CDIP1: variants seen among roughly 807,000 people sequenced by gnomAD.
CDIP1 encodes cell death-inducing p53-target protein 1.
In CDIP1, 9 loss-of-function variants were observed where a neutral mutation model predicts 17.7. That is an observed-to-expected ratio of 0.51 (90% CI 0.31 to 0.89). The LOEUF (loss-of-function observed/expected upper bound fraction) is 0.89, where lower values mean the gene tolerates loss of function less well. Among genes scored for constraint, CDIP1 ranks in the 40% least tolerant of loss-of-function variants. The pLI is 0.05. For missense variants in CDIP1, 263 were observed against 277.9 expected (o/e 0.95, Z 0.38); for synonymous variants, 117 against 109.5 (o/e 1.07, Z -0.43).
rs550049111 is a variant in CDIP1 at position 4,513,218 on chromosome 16, C to G, written c.242-154G>C. 1.8e-4 allele frequency among the ~76,000 whole-genome samples: 28 copies of G among 152,204 alleles called. No individual in the cohort carries two copies. The highest frequency in any genetic ancestry group is 5.2e-4 in the Admixed American group (8 of 15,286). The stretch of plus-strand genomic sequence containing the variant: ...CCCTCCTAACGGGCCAGTGGGAGGC[C>G]TTACAGCTGGGGCCCTAAGTCAAGT... On this transcript the variant is annotated intron_variant, in intron 4 of 5. Transcript: ENST00000567695. This position sits in a 1 kb window ranked among gnomAD's most constrained non-coding sequence, Gnocchi z 4.1.
At chr16:4,518,727 A>T (rs1313410483) in intron 1 of CDIP1, among the ~76,000 whole-genome samples, 2 of 152,206 alleles carry the variant, frequency 1.3e-5, no homozygotes, top group African/African-American at 2.4e-5. Context: ...ATTCCCACAA[A>T]ACCATGTTGT....
At chr16:4,537,521 C>T (rs971076457) in intron 1 of CDIP1, among the ~76,000 whole-genome samples, 1 of 152,150 alleles carries the variant, frequency 6.6e-6, no homozygotes, top group African/African-American at 2.4e-5. Flanking sequence ...CAGCATCAGG[C>T]CCCAGAATAC....
chr16:4,531,249 C>T (rs1481737275), intron 1 of CDIP1, among the ~76,000 whole-genome samples: 1 of 151,936 alleles, frequency 6.6e-6, no homozygotes, highest in East Asian at 1.9e-4. Flanking sequence ...AGGATGGTCT[C>T]GATCTCCCGA....
intron 1 of CDIP1, among the ~76,000 whole-genome samples, chr16:4,531,585 G>C (rs970214132): frequency 2.6e-5 from 4 of 152,200 alleles, no homozygotes; most frequent in Non-Finnish European, 4.4e-5. Flanking sequence ...TGAAGTGCTG[G>C]AGATGACGGT....
rs988561613 is a variant in CDIP1 at position 4,514,368 on chromosome 16, G to A, written c.-15+207C>T. 1.2e-4 allele frequency among the ~76,000 whole-genome samples: 19 copies of A among 152,188 alleles called. No homozygotes were observed. The highest frequency in any genetic ancestry group is 9.2e-4 in the Admixed American group (14 of 15,272). On this transcript the variant is annotated intron_variant, in intron 2 of 5. Transcript: ENST00000567695. This position sits in a 1 kb window ranked among gnomAD's most constrained non-coding sequence, Gnocchi z 5.2. ...TGCTCTTCCCTGTTTGGAAGCTGAA[G>A]GGCAAGGACAGAACCCAGGAAGCAG...
intron 1 of CDIP1, among the ~76,000 whole-genome samples, chr16:4,535,513 T>C (rs1440193159): frequency 2.6e-5 from 4 of 152,262 alleles, no homozygotes; most frequent in Non-Finnish European, 5.9e-5. Flanking sequence ...CCTTCATCTC[T>C]TCAGCGCTAA....
At chr16:4,532,951 G>A (rs1676823218) in intron 1 of CDIP1, 1 of 152,220 alleles carries the variant, frequency 6.6e-6, no homozygotes, top group Non-Finnish European at 1.5e-5. Context: ...TCAAGGATGA[G>A]GCCGTTTCAC....
chr16:4,530,211 A>G (rs1199803521), intron 1 of CDIP1, among the ~76,000 whole-genome samples: 2 of 152,222 alleles, frequency 1.3e-5, no homozygotes, highest in African/African-American at 4.8e-5. Flanking sequence ...TGTATTTTAC[A>G]CTACATTAGA....
At chr16:4,530,398 C>A (rs767127327) in intron 1 of CDIP1, among the ~76,000 whole-genome samples, 141 of 152,252 alleles carry the variant, frequency 9.3e-4, no homozygotes, top group Non-Finnish European at 1.8e-4. Flanking sequence ...GCCTGTAATC[C>A]CAGCACTTTG....
rs2058818704 is a variant in CDIP1, at chr16:4,510,745, TAA to T, written c.*1825_*1826del. 1 of 152,200 alleles carries T rather than the reference TAA, an allele frequency of 6.6e-6. No homozygotes were observed. The allele number at this position is 152,200 out of a possible 1,614,324, so 9.4% of individuals were successfully genotyped here. A position where few individuals can be genotyped will look rare whatever the true frequency, so the allele number is the denominator to read the frequency against. On this transcript the variant is annotated 3_prime_UTR_variant, in exon 6 of 6. Transcript: ENST00000567695. Reference sequence around the variant, plus strand: ...TTTATTAATAGGAATCTACTACCTGTAAAAGTTTTATTTCAAAAAGGGTTAAA... The same window carrying T: ...TTTATTAATAGGAATCTACTACCTGTAAGTTTTATTTCAAAAAGGGTTAAA...
Position 4,512,546 on chromosome 16 carries a change from C to A in CDIP1, c.*26G>T. On this transcript the variant is annotated 3_prime_UTR_variant, in exon 6 of 6. Coordinates refer to ENST00000567695, the MANE Select transcript of CDIP1 (RefSeq NM_013399.3). This position sits in a 1 kb window ranked among gnomAD's most constrained non-coding sequence, Gnocchi z 4.6. The stretch of plus-strand genomic sequence containing the variant: ...AAGCACAGGGGGCCAGACTGACAGG[C>A]GGGGGAGTCCCGAGTCCCAGCTCCG... 1 of 1,526,322 alleles carries A rather than the reference C, an allele frequency of 6.6e-7. No individual in the cohort carries two copies. Among genetic ancestry groups the A allele is most frequent in the Non-Finnish European group, 9.1e-7 (1 of 1,100,640 alleles). 94.5% of individuals were successfully genotyped at this position (1,526,322 alleles called of 1,614,324 possible). A position where few individuals can be genotyped will look rare whatever the true frequency, so the allele number is the denominator to read the frequency against.
intron 1 of CDIP1, among the ~76,000 whole-genome samples, chr16:4,534,604 A>G (rs1202737906): frequency 6.6e-6 from 1 of 151,812 alleles, no homozygotes; most frequent in East Asian, 1.9e-4. Flanking sequence ...CTGACAGGTG[A>G]GAACAACGCA....
In CDIP1 at chr16:4,511,928, G is replaced by A. The variant is rs1371446325; in HGVS notation, c.*644C>T. The A allele has an allele frequency of 6.5e-6, 1 of 154,380 alleles. No homozygotes were observed. Among genetic ancestry groups the A allele is most frequent in the Non-Finnish European group, 1.4e-5 (1 of 69,552 alleles). 9.6% of individuals were successfully genotyped at this position (154,380 alleles called of 1,614,324 possible). A position where few individuals can be genotyped will look rare whatever the true frequency, so the allele number is the denominator to read the frequency against. ...CCCAGGTACAGTGTCCTCTCTACCT[G>A]ACACCAGGCAGCTCTCGGGCACTGG... On this transcript the variant is annotated 3_prime_UTR_variant, in exon 6 of 6. Transcript: ENST00000567695.
chr16:4,528,683 C>CAAAAAA (rs374609894), intron 1 of CDIP1, among the ~76,000 whole-genome samples: 9 of 50,952 alleles, frequency 1.8e-4, no homozygotes, highest in Admixed American at 8.6e-4. Flanking sequence ...AACCCTGTCT[C>CAAAAAA]AAAAAAAAAA....
intron 1 of CDIP1, chr16:4,522,359 CCAGA>C (rs1249997040): frequency 1.3e-5 from 2 of 152,248 alleles, no homozygotes; most frequent in Non-Finnish European, 2.9e-5. Context: ...CAGCTGCTGC[CCAGA>C]CACATTTCTC....
intron 1 of CDIP1, among the ~76,000 whole-genome samples, chr16:4,534,526 G>A (rs1436670858): frequency 2.0e-5 from 3 of 152,116 alleles, no homozygotes; most frequent in African/African-American, 4.8e-5. Flanking sequence ...GCAACCATGG[G>A]CAAGTCACTT....
At chr16:4,534,843 G>C (rs1006864599) in intron 1 of CDIP1, among the ~76,000 whole-genome samples, 6 of 151,894 alleles carry the variant, frequency 4.0e-5, no homozygotes, top group South Asian at 2.1e-4. Flanking sequence ...CTCAGCCTCC[G>C]GAGTAGCTGG....
intron 1 of CDIP1, among the ~76,000 whole-genome samples, chr16:4,530,311 TG>T (rs2059042183): frequency 6.6e-6 from 1 of 152,244 alleles, no homozygotes; most frequent in Non-Finnish European, 1.5e-5. Flanking sequence ...TTACATTGGT[TG>T]GGTGTGAAAC....
rs949143894 is a variant in CDIP1 at position 4,511,364 on chromosome 16, C to G, written c.*1208G>C. On this transcript the variant is annotated 3_prime_UTR_variant, in exon 6 of 6. Coordinates refer to ENST00000567695, the MANE Select transcript of CDIP1 (RefSeq NM_013399.3). ...GGCCAATTTAATGAGAAACTACAAA[C>G]TGAGACTGGGCCACGATTCACAGTG... 2.0e-5 allele frequency: 3 copies of G among 152,750 alleles called. No individual in the cohort carries two copies. The highest frequency in any genetic ancestry group is 7.2e-5 in the African/African-American group (3 of 41,448). The allele number at this position is 152,750 out of a possible 1,614,324, so 9.5% of individuals were successfully genotyped here.
Sources: gnomAD v4.1 joint callset for allele counts (sites outside exome capture counted in the v4.1 genomes callset) on GRCh38, gnomAD v4.1.1 for gene constraint, Gnocchi (gnomAD v3.1) non-coding constraint, MANE v1.5 for transcripts, NCBI Gene and HGNC (gene_info 2026-07-23, HGNC 2026-07-21) for gene names.